GBP2: variants seen among roughly 807,000 people sequenced by gnomAD.
GBP2 encodes the protein guanylate binding protein 2.
GBP2 carries 54 observed loss-of-function variants against 60.8 expected under a neutral mutation model. The observed-to-expected ratio is 0.89, with a 90% confidence interval of 0.71 to 1.11. The LOEUF (loss-of-function observed/expected upper bound fraction) is 1.11. Among genes scored for constraint, GBP2 ranks in the 50% most tolerant of loss-of-function variants. The pLI, the probability that GBP2 is intolerant of heterozygous loss-of-function variation, is 0.00. For synonymous variants in GBP2, 243 were observed against 256.5 expected, an observed-to-expected ratio of 0.95 and a Z score of 0.50; for missense variants, 665 against 703.3, an observed-to-expected ratio of 0.95 and a Z score of 0.62.
intron 3 of GBP2, 115 bp downstream of exon 3, chr1:89,121,028 A>C: frequency 2.1e-5 from 11 of 534,442 alleles, no homozygotes; most frequent in Non-Finnish European, 2.1e-5. Context: ...ATAATTAACT[A>C]GAGCCCTAAA....
At chr1:89,121,097 T>A in intron 3 of GBP2, 46 bp downstream of exon 3, 4 of 1,542,740 alleles carry the variant, frequency 2.6e-6, no homozygotes, top group Non-Finnish European at 3.6e-6. Flanking sequence ...TTTATGTAGA[T>A]TTTAATCTAC....
chr1:89,123,750 C>A (rs1457514675), intron 1 of GBP2, among the ~76,000 whole-genome samples: 1 of 152,124 alleles, frequency 6.6e-6, no homozygotes, highest in Admixed American at 6.5e-5. Context: ...TTTAAGTATG[C>A]ATTTATTTTT....
intron 10 of GBP2, among the ~76,000 whole-genome samples, chr1:89,108,550 G>A (rs1681099023): frequency 6.6e-6 from 1 of 152,000 alleles, no homozygotes; most frequent in Admixed American, 6.6e-5. Context: ...CAGTCTTTCT[G>A]GAAAAACCAT....
chr1:89,112,456 C>A lies in GBP2; in HGVS notation c.1362+16G>T. On this transcript the variant is annotated intron_variant, in intron 8 of 10. Coordinates refer to ENST00000370466, the MANE Select transcript of GBP2 (RefSeq NM_004120.5). ...CTCAGCGAGTCCCAAGAAATGGTAC[C>A]CACCGTGTAGTTTACCTGTATCCCC... The A allele has an allele frequency of 1.2e-6, 2 of 1,609,676 alleles. No homozygotes were observed. The highest frequency in any genetic ancestry group is 1.7e-6 in the Non-Finnish European group (2 of 1,176,124).
At position 89,117,043 on chromosome 1, in the gene GBP2, T is replaced by C. The variant is rs767518146; in HGVS notation, c.817A>G (p.Ser273Gly). The C allele has an allele frequency of 3.7e-6, 6 of 1,613,954 alleles. No individual in the cohort carries two copies. In the African/African-American group the frequency reaches 5.3e-5, roughly 14 times the overall value. Reference sequence around the variant, plus strand: ...GAAAGAGTCTTGACATTGGAATGGCTGAGGATGTAGGAACAAAATTCTGCA... The same window carrying C: ...GAAAGAGTCTTGACATTGGAATGGCCGAGGATGTAGGAACAAAATTCTGCA... The part of the protein sequence containing the change: ...QVAEFCSYIL[S>G]HSNVKTLSGG... The change falls in exon 6 of 11, where the codon AGC (serine) becomes GGC (glycine). Residue 273 changes from serine (S) to glycine (G), a missense_variant. Transcript: ENST00000370466.
chr1:89,110,682 G>A lies in GBP2; in HGVS notation c.1363-416C>T, dbSNP rs12122030. On this transcript the variant is annotated intron_variant, in intron 8 of 10. Transcript: ENST00000370466. ...TAAGCTATTATATGAGGCCACAAAG[G>A]CATAAGAATGATACAGTGGACTTTG... Among the ~76,000 whole-genome samples, 946 of 152,172 alleles carry A rather than the reference G, an allele frequency of 6.2e-3. 4 individuals carry two copies. The highest frequency in any genetic ancestry group is 9.0e-3 in the Non-Finnish European group (612 of 67,998).
At chr1:89,113,596 T>G (rs1396880788) in intron 7 of GBP2, among the ~76,000 whole-genome samples, 1 of 152,226 alleles carries the variant, frequency 6.6e-6, no homozygotes, top group Non-Finnish European at 1.5e-5. Context: ...TTTATATAAT[T>G]AATTTCTCTT....
Position 89,117,594 on chromosome 1 carries a change from G to A in GBP2, c.608C>T (p.Ser203Leu), listed in dbSNP as rs770798916. ...PITADDYLEL[S>L]LKLRKGTDKK... is the part of the protein sequence containing the mutation. ...CCAGTAACCTTTTCTTAGCTTTAGC[G>A]AAAGCTCCAAGTAGTCATCAGCAGT... is the stretch of plus-strand genomic sequence containing the variant. Residue 203 changes from serine to leucine, a missense_variant, in exon 5 of 11, where the codon TCG becomes TTG. Ser to Leu is a moderately radical substitution (Grantham distance 145). Coordinates refer to ENST00000370466, the MANE Select transcript of GBP2 (RefSeq NM_004120.5). 2.4e-5 allele frequency: 39 copies of A among 1,612,980 alleles called. No individual in the cohort carries two copies. Among genetic ancestry groups the A allele is most frequent in the South Asian group, 1.1e-4 (10 of 90,922 alleles).
chr1:89,121,511 T>C (rs779389229), intron 2 of GBP2, among the ~76,000 whole-genome samples: 5 of 152,232 alleles, frequency 3.3e-5, no homozygotes, highest in Non-Finnish European at 7.3e-5. Flanking sequence ...AAATGTTTTA[T>C]AAGTCATTAT....
Position 89,109,779 on chromosome 1 carries a change from C to G in GBP2, c.1557G>C (p.Glu519Asp). The change falls in exon 10 of 11, where the codon GAG becomes GAC. Residue 519 changes from glutamate (E) to aspartate (D), a missense_variant. Transcript: ENST00000370466. ...GTTTCACATGTTCCTGATAACTCTT[C>G]TCTTTCTGTTCCATCATCTCCTCAT... ...KKNEEMMEQK[E>D]KSYQEHVKQL... The G allele has an allele frequency of 6.2e-7, 1 of 1,614,038 alleles. No individual in the cohort carries two copies. Among genetic ancestry groups the G allele is most frequent in the Non-Finnish European group, 8.5e-7 (1 of 1,179,912 alleles).
chr1:89,108,987 C>T lies in GBP2; in HGVS notation c.1659+690G>A, dbSNP rs141969433. Among the ~76,000 whole-genome samples the T allele has an allele frequency of 4.7e-3, 717 of 152,030 alleles. 5 individuals are homozygous for T. Among genetic ancestry groups the T allele is most frequent in the African/African-American group, 0.017 (686 of 41,440 alleles). ...CTTGGCTCACTGCAACCCCCGCCTC[C>T]CAGGTTCAAGCGATTCTCCTGCCTC... On this transcript the variant is annotated intron_variant, in intron 10 of 10. Coordinates refer to ENST00000370466, the MANE Select transcript of GBP2 (RefSeq NM_004120.5).
rs1681056361 is a variant in GBP2, at chr1:89,106,545, G to A, written c.*1630C>T. 1 of 152,148 alleles carries A rather than the reference G, an allele frequency of 6.6e-6. No individual in the cohort carries two copies. The highest frequency in any genetic ancestry group is 2.1e-4 in the South Asian group (1 of 4,836). 9.4% of individuals were successfully genotyped at this position (152,148 alleles called of 1,614,324 possible). ...AACATTGAAAAATAATGACAAAAAA[G>A]ATGAGAAGAGTGTTGTATCTGATGT... On this transcript the variant is annotated 3_prime_UTR_variant, in exon 11 of 11. Coordinates refer to ENST00000370466, the MANE Select transcript of GBP2 (RefSeq NM_004120.5).
intron 1 of GBP2, among the ~76,000 whole-genome samples, chr1:89,124,549 A>G (rs1436892116): frequency 6.6e-6 from 1 of 152,188 alleles, no homozygotes; most frequent in Admixed American, 6.5e-5. Flanking sequence ...TGTCATACAT[A>G]TCTCCATACT....
In GBP2 at chr1:89,114,021, A is replaced by C. The variant is rs1311101560; in HGVS notation, c.1144T>G (p.Leu382Val). Reference sequence around the variant, plus strand: ...ACGTAGAACACCAAATATACCCCTAATTTCCTCTGGAACATTTGGTCCACA... The same window carrying C: ...ACGTAGAACACCAAATATACCCCTACTTTCCTCTGGAACATTTGGTCCACA... ...KDVDQMFQRK[L>V]GAQLEARRDD... The change falls in exon 7 of 11, where the codon TTA (leucine) becomes GTA (valine). Residue 382 changes from leucine to valine, a missense_variant. Leu to Val is a conservative substitution (Grantham distance 32). Transcript: ENST00000370466. 1 of 1,614,040 alleles carries C rather than the reference A, an allele frequency of 6.2e-7. No homozygotes were observed. The highest frequency in any genetic ancestry group is 8.5e-7 in the Non-Finnish European group (1 of 1,180,014).
At chr1:89,110,411 G>C (rs768991827) in intron 8 of GBP2, 145 bp from the exon 9 acceptor site, 1 of 637,954 alleles carries the variant, frequency 1.6e-6, no homozygotes, top group Non-Finnish European at 2.7e-6. Context: ...AGCACAATTC[G>C]CAATTGTAAA....
rs147250118 is a variant in GBP2 at position 89,121,146 on chromosome 1, C to T, written c.315G>A (p.Glu105=). The change falls in exon 3 of 11, where the codon GAG becomes GAA. Residue 105 remains glutamate, a synonymous_variant. Transcript: ENST00000370466. ...LLDTEGLGDI[E]KGDNENDSWI... ...TTAAAATACTTATTTTTTTTACCTT[C>T]TCTATATCTCCCAGGCCCTCAGTGT... is the stretch of plus-strand genomic sequence containing the variant. 1.6e-4 allele frequency: 254 copies of T among 1,610,312 alleles called. 17 individuals are homozygous for T. The highest frequency in any genetic ancestry group is 6.0e-4 in the East Asian group (27 of 44,736).
chr1:89,109,484 C>T (rs925683738), intron 10 of GBP2, among the ~76,000 whole-genome samples, 193 bp downstream of exon 10: 3 of 152,112 alleles, frequency 2.0e-5, no homozygotes, highest in Non-Finnish European at 2.9e-5. Context: ...ATAAAGAATT[C>T]CATGTGATTG....
Position 89,109,674 on chromosome 1 carries a change from T to A in GBP2, c.1659+3A>T, listed in dbSNP as rs768894027. The A allele has an allele frequency of 2.5e-6, 4 of 1,612,182 alleles. No individual in the cohort carries two copies. In the Admixed American group the frequency reaches 6.7e-5, roughly 27 times the overall value. On this transcript the variant is annotated splice_donor_region_variant and intron_variant, in intron 10 of 10. Coordinates refer to ENST00000370466, the MANE Select transcript of GBP2 (RefSeq NM_004120.5). Reference sequence around the variant, plus strand: ...AGAAAATTGAGATGATGCAATTGAATACCTGAAGTTTAAGAGCGAGGGTCT... The same window carrying A: ...AGAAAATTGAGATGATGCAATTGAAAACCTGAAGTTTAAGAGCGAGGGTCT...
intron 6 of GBP2, among the ~76,000 whole-genome samples, chr1:89,114,685 C>G (rs1259235416): frequency 6.6e-6 from 1 of 152,166 alleles, no homozygotes; most frequent in Non-Finnish European, 1.5e-5. Context: ...AGTCACTAGT[C>G]TGGTGTCTGG....
Sources: allele counts gnomAD v4.1 joint callset (sites outside exome capture counted in the v4.1 genomes callset), GRCh38; gene constraint gnomAD v4.1.1; transcripts MANE v1.5; gene names NCBI Gene and HGNC (gene_info 2026-07-23, HGNC 2026-07-21).